The following SMAD2 variants were observed in gnomAD, a reference collection of about 807,000 sequenced individuals.
The protein encoded by SMAD2 is MAD homolog 2.
A neutral mutation model predicts 64.4 loss-of-function variants in SMAD2; 8 were observed. The ratio of observed to expected loss-of-function variants is 0.12; its 90% CI spans 0.07 to 0.22. The LOEUF (loss-of-function observed/expected upper bound fraction) is 0.22. Ranked by LOEUF, SMAD2 falls within the 10% of genes least tolerant of loss-of-function variation. The pLI is 1.00. For missense variants in SMAD2, 289 were observed against 561.2 expected, an observed-to-expected ratio of 0.51 and a Z score of 4.90; for synonymous variants, 203 against 195.8, an observed-to-expected ratio of 1.04 and a Z score of -0.31.
At chr18:47,868,556 T>C in intron 4 of SMAD2, 99 bp from the exon 5 acceptor site, 1 of 933,284 alleles carries the variant, frequency 1.1e-6, no homozygotes, top group Non-Finnish European at 1.7e-6. Context: ...TGTAGCTTAA[T>C]TTTTAAAGCT....
At chr18:47,865,223 CA>C in intron 5 of SMAD2, 90 bp from the exon 6 acceptor site, 2 of 715,394 alleles carry the variant, frequency 2.8e-6, no homozygotes, top group Non-Finnish European at 2.6e-6. Flanking sequence ...TGAATCACTC[CA>C]AATAACAAAT....
Position 47,851,345 on chromosome 18 carries a change from A to T in SMAD2, c.731-18T>A. ...TGGAGAGCCTAAAACAAAAGGATTT[A>T]AAAATAAATGAAGTATTTCCAGAAC... On this transcript the variant is annotated intron_variant, in intron 6 of 10. Coordinates refer to ENST00000262160, the MANE Select transcript of SMAD2 (RefSeq NM_005901.6). The T allele has an allele frequency of 6.4e-7, 1 of 1,566,778 alleles. No individual in the cohort carries two copies. The highest frequency in any genetic ancestry group is 2.2e-5 in the East Asian group (1 of 44,456).
chr18:47,842,289 C>T (rs1005300997), intron 10 of SMAD2, among the ~76,000 whole-genome samples: 3 of 152,164 alleles, frequency 2.0e-5, no homozygotes, highest in African/African-American at 4.8e-5. Flanking sequence ...CACCTGTAAG[C>T]CCAGCACTTT....
At position 47,835,306 on chromosome 18, in the gene SMAD2, G is replaced by C. The variant is rs1665036909; in HGVS notation, c.*6521C>G. On this transcript the variant is annotated 3_prime_UTR_variant, in exon 11 of 11. Coordinates refer to ENST00000262160, the MANE Select transcript of SMAD2 (RefSeq NM_005901.6). ...CAAAACTCATGCATGTTACCTACTT[G>C]TCATGTGTGAATTATTTCTCACAAT... 4.8e-6 allele frequency: 1 copy of C among 208,294 alleles called. No individual in the cohort carries two copies. The highest frequency in any genetic ancestry group is 9.8e-6 in the Non-Finnish European group (1 of 102,200). 12.9% of individuals were successfully genotyped at this position (208,294 alleles called of 1,614,324 possible). A position where few individuals can be genotyped will look rare whatever the true frequency, so the allele number is the denominator to read the frequency against.
chr18:47,896,433 A>T, intron 2 of SMAD2, 88 bp downstream of exon 2: 1 of 1,340,992 alleles, frequency 7.5e-7, no homozygotes, highest in Non-Finnish European at 1.1e-6. Context: ...CACTTTTTAC[A>T]GGCAACTTGA....
chr18:47,887,788 CA>C (rs1185559063), intron 2 of SMAD2, among the ~76,000 whole-genome samples: 5 of 152,176 alleles, frequency 3.3e-5, no homozygotes, highest in Non-Finnish European at 7.3e-5. Context: ...ATTTATCTCT[CA>C]AACCTCAGCA....
At chr18:47,888,356 G>T (rs1432063746) in intron 2 of SMAD2, among the ~76,000 whole-genome samples, 2 of 142,854 alleles carry the variant, frequency 1.4e-5, no homozygotes, top group African/African-American at 5.2e-5. Context: ...CAGGCTAAAG[G>T]CTTGGTCTGA....
chr18:47,812,467 GA>G lies in SMAD2; in HGVS notation c.*29359del, dbSNP rs1598719201. Reference sequence around the variant, plus strand: ...CCTCAGGAAACTTACAATTATGGCAGAAGGGGAAGCAGGCACCTTCTTCACA... The same window carrying G: ...CCTCAGGAAACTTACAATTATGGCAGAGGGGAAGCAGGCACCTTCTTCACA... On this transcript the variant is annotated 3_prime_UTR_variant, in exon 11 of 11. Coordinates refer to ENST00000262160, the MANE Select transcript of SMAD2 (RefSeq NM_005901.6). 1 of 152,398 alleles carries G rather than the reference GA, an allele frequency of 6.6e-6. No homozygotes were observed. The highest frequency in any genetic ancestry group is 1.9e-4 in the East Asian group (1 of 5,164). 9.4% of individuals were successfully genotyped at this position (152,398 alleles called of 1,614,324 possible).
At chr18:47,851,208 A>T (rs1160578370) in intron 7 of SMAD2, 66 bp downstream of exon 7, 2 of 1,114,548 alleles carry the variant, frequency 1.8e-6, no homozygotes, top group African/African-American at 3.1e-5. Context: ...ACTCCTAGAG[A>T]TGATTTTTAT....
chr18:47,853,247 C>T (rs1390227470), intron 6 of SMAD2: 1 of 125,698 alleles, frequency 8.0e-6, no homozygotes, highest in Non-Finnish European at 1.2e-5. Flanking sequence ...GAAGAATGGC[C>T]GTAGTATACC....
At chr18:47,929,837 CGT>C (rs2034925041) in intron 1 of SMAD2, among the ~76,000 whole-genome samples, 1 of 152,110 alleles carries the variant, frequency 6.6e-6, no homozygotes, top group Non-Finnish European at 1.5e-5. Flanking sequence ...TTTCCAAAGG[CGT>C]GTGATAAAAA....
Position 47,901,169 on chromosome 18 carries a change from T to G in SMAD2, c.-53-4360A>C, listed in dbSNP as rs1360601832. Among the ~76,000 whole-genome samples the G allele has an allele frequency of 1.3e-5, 2 of 152,188 alleles. 1 individual carries two copies. The highest frequency in any genetic ancestry group is 3.8e-4 in the East Asian group (2 of 5,198). Reference sequence around the variant, plus strand: ...TTTCTTTTAGTTCAAAATAAAATTTTTGGTTTATAGATGTTTGGGCTATTT... The same window carrying G: ...TTTCTTTTAGTTCAAAATAAAATTTGTGGTTTATAGATGTTTGGGCTATTT... On this transcript the variant is annotated intron_variant, in intron 1 of 10. Transcript: ENST00000262160.
At chr18:47,868,225 T>C in intron 5 of SMAD2, 98 bp downstream of exon 5, 4 of 1,070,768 alleles carry the variant, frequency 3.7e-6, no homozygotes, top group Non-Finnish European at 5.7e-6. Context: ...CTCAAAAGCA[T>C]TTTTAAAAAA....
intron 1 of SMAD2, among the ~76,000 whole-genome samples, chr18:47,899,044 G>A (rs1024899664): frequency 3.3e-5 from 5 of 152,206 alleles, no homozygotes; most frequent in South Asian, 4.1e-4. Context: ...TGGAGAAGGG[G>A]TAAGTTTTTA....
intron 1 of SMAD2, among the ~76,000 whole-genome samples, chr18:47,921,484 C>T (rs916830314): frequency 6.6e-6 from 1 of 152,098 alleles, no homozygotes; most frequent in South Asian, 2.1e-4. Flanking sequence ...TTCACTATTC[C>T]ACATGCAGCT....
intron 6 of SMAD2, among the ~76,000 whole-genome samples, chr18:47,863,068 T>C (rs750538583): frequency 6.6e-6 from 1 of 152,210 alleles, no homozygotes; most frequent in Non-Finnish European, 1.5e-5. Context: ...GTTGCCCTTT[T>C]AAAAAATTTC....
At chr18:47,875,997 C>T (rs1289784479) in intron 2 of SMAD2, among the ~76,000 whole-genome samples, 1 of 151,964 alleles carries the variant, frequency 6.6e-6, no homozygotes, top group African/African-American at 2.4e-5. Flanking sequence ...AGGAAGTCCA[C>T]AAGAAATGTC....
At chr18:47,919,627 G>A (rs1050549700) in intron 1 of SMAD2, among the ~76,000 whole-genome samples, 6 of 152,138 alleles carry the variant, frequency 3.9e-5, no homozygotes, top group Non-Finnish European at 8.8e-5. Context: ...GAGGCAACCA[G>A]TGCAAATCGG....
intron 6 of SMAD2, among the ~76,000 whole-genome samples, chr18:47,859,157 G>A (rs527719264): frequency 6.6e-6 from 1 of 152,234 alleles, no homozygotes; most frequent in Non-Finnish European, 1.5e-5. Context: ...AATTCCAAAT[G>A]TGTATCATCT....
Sources: gnomAD v4.1 joint callset for allele counts (sites outside exome capture counted in the v4.1 genomes callset) on GRCh38, gnomAD v4.1.1 for gene constraint, MANE v1.5 for transcripts, NCBI Gene and HGNC (gene_info 2026-07-23, HGNC 2026-07-21) for gene names.